LUC7L2: variants seen among roughly 807,000 people sequenced by gnomAD.
LUC7L2 encodes LUC7 like 2, pre-mRNA splicing factor.
A neutral mutation model predicts 52.8 loss-of-function variants in LUC7L2; 25 were observed. The observed-to-expected ratio is 0.47, with a 90% CI of 0.34 to 0.66. The LOEUF (loss-of-function observed/expected upper bound fraction) is 0.66. Among genes scored for constraint, LUC7L2 ranks in the 30% least tolerant of loss-of-function variants. The probability of loss-of-function intolerance (pLI) is 0.01; values close to 1 mark genes in which losing one functional copy is unlikely to be tolerated. For missense variants in LUC7L2, 328 were observed against 497.8 expected (o/e 0.66, Z 3.25); for synonymous variants, 144 against 160.9 (o/e 0.89, Z 0.80).
intron 2 of LUC7L2, among the ~76,000 whole-genome samples, chr7:139,397,016 T>G (rs1009806883): frequency 1.2e-4 from 18 of 152,184 alleles, no homozygotes; most frequent in African/African-American, 3.4e-4. Flanking sequence ...AAATTAATTA[T>G]CATACGTTTG....
intron 1 of LUC7L2, among the ~76,000 whole-genome samples, chr7:139,354,467 T>C (rs1799550772): frequency 6.6e-6 from 1 of 152,124 alleles, no homozygotes; most frequent in African/African-American, 2.4e-5. Flanking sequence ...GTTCAAGCGA[T>C]TCCCCTGCCT....
At chr7:139,345,975 C>A (rs994427104) in intron 1 of LUC7L2, 2 of 221,360 alleles carry the variant, frequency 9.0e-6, no homozygotes, top group East Asian at 1.3e-4. Flanking sequence ...CGGTGGCTCA[C>A]GCCTGTAATC....
At chr7:139,372,391 T>C (rs577269865) in intron 1 of LUC7L2, among the ~76,000 whole-genome samples, 11 of 152,344 alleles carry the variant, frequency 7.2e-5, no homozygotes, top group African/African-American at 2.6e-4. Flanking sequence ...GTTTACTTAC[T>C]GTTCCCCCAA....
chr7:139,394,328 G>A (rs1376162853), intron 2 of LUC7L2, among the ~76,000 whole-genome samples: 1 of 152,182 alleles, frequency 6.6e-6, no homozygotes, highest in South Asian at 2.1e-4. Context: ...TCACATTTTA[G>A]TGAGTTAATC....
intron 9 of LUC7L2, among the ~76,000 whole-genome samples, chr7:139,420,924 G>A (rs189777221): frequency 7.3e-4 from 111 of 151,942 alleles, no homozygotes; most frequent in African/African-American, 2.5e-3. Flanking sequence ...TCAGCCTCCC[G>A]AGTAGCTGGG....
intron 1 of LUC7L2, chr7:139,345,364 T>C: frequency 8.0e-7 from 1 of 1,255,008 alleles, no homozygotes; most frequent in Non-Finnish European, 1.1e-6. Context: ...GTATTAAGTA[T>C]ACATGTATAT....
intron 1 of LUC7L2, among the ~76,000 whole-genome samples, chr7:139,349,677 A>G (rs1799388994): frequency 6.7e-6 from 1 of 149,772 alleles, no homozygotes; most frequent in Non-Finnish European, 1.5e-5. Context: ...TTTTCCTTCT[A>G]AAAACTACTC....
intron 5 of LUC7L2, among the ~76,000 whole-genome samples, chr7:139,406,128 C>T (rs766054710): frequency 2.6e-5 from 4 of 151,960 alleles, no homozygotes; most frequent in African/African-American, 4.8e-5. Context: ...CTCAGCTCAC[C>T]GCAACCTCTG....
chr7:139,407,069 T>TG (rs1158070227), intron 5 of LUC7L2, 105 bp from the exon 6 acceptor site: 1 of 1,215,582 alleles, frequency 8.2e-7, no homozygotes, highest in Admixed American at 3.8e-5. Context: ...GCCACTTTTG[T>TG]GTATTTTTTA....
chr7:139,352,882 A>C (rs1799496784), intron 1 of LUC7L2, among the ~76,000 whole-genome samples: 1 of 152,216 alleles, frequency 6.6e-6, no homozygotes, highest in Non-Finnish European at 1.5e-5. Flanking sequence ...ATTTTCAAAA[A>C]ATTTGAATTT....
intron 1 of LUC7L2, among the ~76,000 whole-genome samples, chr7:139,347,652 T>G (rs746639352): frequency 2.6e-5 from 4 of 151,866 alleles, no homozygotes; most frequent in Non-Finnish European, 5.9e-5. Flanking sequence ...ATAATAGTAT[T>G]AATAGGTCAA....
At position 139,397,169 on chromosome 7, in the gene LUC7L2, A is replaced by G. The variant is rs940083313; in HGVS notation, c.157-1430A>G. Among the ~76,000 whole-genome samples the G allele has an allele frequency of 2.0e-5, 3 of 152,216 alleles. No homozygotes were observed. The South Asian group carries it at 6.2e-4, about 32-fold the overall frequency. On this transcript the variant is annotated intron_variant, in intron 2 of 9. Coordinates refer to ENST00000354926, the MANE Select transcript of LUC7L2 (RefSeq NM_016019.5). Reference sequence around the variant, plus strand: ...AAACTTCCCTGTGATTAATAGTGGCATATAAATAAATAAATATTTTAAAGA... The same window carrying G: ...AAACTTCCCTGTGATTAATAGTGGCGTATAAATAAATAAATATTTTAAAGA...
At position 139,347,485 on chromosome 7, in the gene LUC7L2, G is replaced by A. The variant is rs946117770; in HGVS notation, c.-26+6968G>A. The stretch of plus-strand genomic sequence containing the variant: ...GCCTGTAATCCCAGCTACTCAGGAG[G>A]CTGAGGCAGGAGAATCGCTTGAACC... On this transcript the variant is annotated intron_variant, in intron 1 of 10. Transcript: ENST00000541170. Among the ~76,000 whole-genome samples the A allele has an allele frequency of 2.0e-5, 3 of 152,036 alleles. No individual in the cohort carries two copies. The East Asian group carries it at 5.8e-4, about 29-fold the overall frequency.
intron 9 of LUC7L2, among the ~76,000 whole-genome samples, chr7:139,418,178 T>G (rs1360957206): frequency 6.6e-6 from 1 of 152,038 alleles, no homozygotes; most frequent in African/African-American, 2.4e-5. Context: ...TTGTTTTATC[T>G]GCACTATAGA....
upstream of LUC7L2, chr7:139,359,641 C>T (rs1799747797): frequency 5.0e-6 from 2 of 397,546 alleles, no homozygotes; most frequent in Non-Finnish European, 8.9e-6. Context: ...GCAGCGCAGC[C>T]TTAGCCGCCA....
intron 2 of LUC7L2, among the ~76,000 whole-genome samples, chr7:139,378,506 C>G (rs1800831157): frequency 6.6e-6 from 1 of 151,854 alleles, no homozygotes. Context: ...CTCAGGAATT[C>G]AAGACTTCAA....
chr7:139,390,252 T>TA (rs1336478984), intron 2 of LUC7L2, among the ~76,000 whole-genome samples: 5 of 149,252 alleles, frequency 3.4e-5, no homozygotes, highest in Admixed American at 1.3e-4. Context: ...TTTTTCTTAT[T>TA]TTTTTTTTTA....
Position 139,398,583 on chromosome 7 carries a change from C to CT in LUC7L2, c.157-10dup, listed in dbSNP as rs773261565. ...ACTTTTTTTTGTTTTAATATTATGT[C>CT]TTTTTTCCCTTCCAGAGAATGGATC... is the stretch of plus-strand genomic sequence containing the variant. On this transcript the variant is annotated splice_polypyrimidine_tract_variant and intron_variant, in intron 2 of 9. Coordinates refer to ENST00000354926, the MANE Select transcript of LUC7L2 (RefSeq NM_016019.5). 8 of 1,583,718 alleles carry CT rather than the reference C, an allele frequency of 5.1e-6. No individual in the cohort carries two copies. The highest frequency in any genetic ancestry group is 5.1e-6 in the Non-Finnish European group (6 of 1,170,534).
At chr7:139,388,990 A>C (rs1036651217) in intron 2 of LUC7L2, among the ~76,000 whole-genome samples, 2 of 151,712 alleles carry the variant, frequency 1.3e-5, no homozygotes, top group Non-Finnish European at 2.9e-5. Context: ...CTTGATTTCC[A>C]TATTTGTAAG....
Sources: gnomAD v4.1 joint callset for allele counts (sites outside exome capture counted in the v4.1 genomes callset) on GRCh38, gnomAD v4.1.1 for gene constraint, MANE v1.5 for transcripts, NCBI Gene and HGNC (gene_info 2026-07-23, HGNC 2026-07-21) for gene names.